The following MAGEA11 variants were observed in gnomAD, a reference collection of about 807,000 sequenced individuals.
MAGEA11 encodes the protein MAGE family member A11, also known as melanoma-associated antigen 11.
Under a neutral mutation model 8.4 loss-of-function variants are expected in MAGEA11, and 1 was observed. The observed-to-expected ratio is 0.12, with a 90% CI of 0.04 to 0.57. The LOEUF is 0.57. Ranked by LOEUF, MAGEA11 falls within the 20% of genes least tolerant of loss-of-function variation. The pLI, the probability that MAGEA11 is intolerant of heterozygous loss-of-function variation, is 0.91. For synonymous variants in MAGEA11, 127 were observed against 119.3 expected, an observed-to-expected ratio of 1.06 and a Z score of -0.42; for missense variants, 209 against 317.3, an observed-to-expected ratio of 0.66 and a Z score of 2.59.
In MAGEA11 at chrX:149,716,203, C is replaced by A. The variant is rs1190766775; in HGVS notation, c.717C>A (p.Val239=). 8.3e-7 allele frequency: 1 copy of A among 1,209,928 alleles called. No homozygotes were observed. The highest frequency in any genetic ancestry group is 1.7e-5 in the African/African-American group (1 of 57,266). Reference sequence around the variant, plus strand: ...ATTTATTGCTCCGCAAGTATCGAGTCAAGGGGCTGATCACAAAGGCAGAAA... The same window carrying A: ...ATTTATTGCTCCGCAAGTATCGAGTAAAGGGGCTGATCACAAAGGCAGAAA... The part of the protein sequence containing the change: ...LVHLLLRKYR[V]KGLITKAEML... The change falls in exon 5 of 5, where the codon GTC becomes GTA. Residue 239 remains valine (V), a synonymous_variant. Coordinates refer to ENST00000355220, the MANE Select transcript of MAGEA11 (RefSeq NM_005366.5).
chrX:149,710,907 G>T (rs1261702674), upstream of MAGEA11, among the ~76,000 whole-genome samples: 1 of 112,039 alleles, frequency 8.9e-6, no homozygotes, highest in African/African-American at 3.2e-5. Context: ...AGAGCCCTGA[G>T]AATTTCATTG....
intron 1 of MAGEA11, among the ~76,000 whole-genome samples, chrX:149,706,056 G>T (rs1419830075): frequency 6.2e-5 from 7 of 112,082 alleles, no homozygotes; most frequent in Non-Finnish European, 1.1e-4. Context: ...ATGACATCTT[G>T]CAGGGCTCCA....
intron 1 of MAGEA11, among the ~76,000 whole-genome samples, chrX:149,696,401 G>A (rs941078657): frequency 1.8e-5 from 2 of 110,326 alleles, no homozygotes; most frequent in Admixed American, 1.9e-4. Context: ...CTTAAGAGAT[G>A]GTGACAAGCA....
chrX:149,704,878 A>G (rs782708720), intron 1 of MAGEA11, among the ~76,000 whole-genome samples: 1 of 112,774 alleles, frequency 8.9e-6, no homozygotes, highest in Non-Finnish European at 1.9e-5. Context: ...TGGTGGGGCA[A>G]GTAGGACGGA....
intron 1 of MAGEA11, among the ~76,000 whole-genome samples, chrX:149,701,251 T>C (rs1236762267): frequency 8.6e-5 from 9 of 104,204 alleles, no homozygotes; most frequent in Admixed American, 2.1e-4. Context: ...TTTTAATGAT[T>C]GCCATTCTAA....
intron 2 of MAGEA11, 41 bp from the exon 3 acceptor site, chrX:149,714,440 G>A (rs782470974): frequency 8.4e-7 from 1 of 1,195,370 alleles, no homozygotes; most frequent in South Asian, 1.9e-5. Flanking sequence ...TGGGGTGATG[G>A]GACGTGGGGC....
At chrX:149,700,144 C>T (rs1368894893) in intron 1 of MAGEA11, among the ~76,000 whole-genome samples, 1 of 112,477 alleles carries the variant, frequency 8.9e-6, no homozygotes, top group Non-Finnish European at 1.9e-5. Flanking sequence ...CAGATCCAAA[C>T]CATATCAAGT....
intron 1 of MAGEA11, among the ~76,000 whole-genome samples, chrX:149,696,100 A>G (rs1557360518): frequency 9.0e-6 from 1 of 111,362 alleles, no homozygotes. Flanking sequence ...GCTGGTTCCT[A>G]ACTAGCCCCC....
rs980973466 is a variant in MAGEA11 at position 149,691,575 on chromosome X, A to G, written c.9+2591A>G. Among the ~76,000 whole-genome samples the G allele has an allele frequency of 8.9e-5, 10 of 111,865 alleles. No homozygotes were observed. In the Admixed American group the frequency reaches 9.5e-4, roughly 11 times the overall value. ...CAGAGCAGTTTTTAGTCTATAGCTT[A>G]TAATGCCTCATAACCTGGACAAAAC... On this transcript the variant is annotated intron_variant, in intron 1 of 3. Coordinates refer to the MAGEA11 transcript ENST00000333104.
At chrX:149,699,567 T>C (rs2090343286) in intron 1 of MAGEA11, among the ~76,000 whole-genome samples, 1 of 111,667 alleles carries the variant, frequency 9.0e-6, no homozygotes, top group African/African-American at 3.3e-5. Flanking sequence ...TATTTTATAG[T>C]CTCTGATTGG....
At chrX:149,700,049 C>T (rs782118927) in intron 1 of MAGEA11, among the ~76,000 whole-genome samples, 4 of 112,261 alleles carry the variant, frequency 3.6e-5, no homozygotes, top group African/African-American at 1.3e-4. Flanking sequence ...TGGGGGGACC[C>T]TCCCCCATGA....
chrX:149,691,601 G>A (rs1412614032), intron 1 of MAGEA11, among the ~76,000 whole-genome samples: 1 of 111,646 alleles, frequency 9.0e-6, no homozygotes, highest in South Asian at 3.8e-4. Flanking sequence ...TGGACAAAAC[G>A]CTCTTAAGGT....
intron 1 of MAGEA11, among the ~76,000 whole-genome samples, chrX:149,694,251 C>T (rs1335490306): frequency 1.8e-5 from 2 of 111,968 alleles, no homozygotes; most frequent in Non-Finnish European, 1.9e-5. Context: ...TTTATTTTTG[C>T]CATTCTAGTG....
chrX:149,690,729 C>G (rs1373645540), intron 1 of MAGEA11, among the ~76,000 whole-genome samples: 1 of 111,705 alleles, frequency 9.0e-6, no homozygotes, highest in Non-Finnish European at 1.9e-5. Flanking sequence ...GCAGTTGCAC[C>G]TTCTAGGGCT....
At chrX:149,714,302 C>G in intron 2 of MAGEA11, 179 bp from the exon 3 acceptor site, 2 of 642,621 alleles carry the variant, frequency 3.1e-6, no homozygotes, top group Non-Finnish European at 4.6e-6. Flanking sequence ...GTCTGCTCAT[C>G]TCAGGGGTTG....
Position 149,705,336 on chromosome X carries a change from C to A in MAGEA11, c.10-9145C>A, listed in dbSNP as rs1283313242. Among the ~76,000 whole-genome samples, 6 of 111,560 alleles carry A rather than the reference C, an allele frequency of 5.4e-5. No individual in the cohort carries two copies. The East Asian group carries it at 1.4e-3, about 26-fold the overall frequency. ...TGATAGTGAATGAGTCTCACGAGATCTCATGGTTTTTACAAAATGAGAGTT... is the reference window on the plus strand; with the variant it reads ...TGATAGTGAATGAGTCTCACGAGATATCATGGTTTTTACAAAATGAGAGTT... On this transcript the variant is annotated intron_variant, in intron 1 of 3. Coordinates refer to the MAGEA11 transcript ENST00000333104.
chrX:149,716,874 C>T lies in MAGEA11; in HGVS notation c.*98C>T. On this transcript the variant is annotated 3_prime_UTR_variant, in exon 5 of 5. Transcript: ENST00000355220. The stretch of plus-strand genomic sequence containing the variant: ...TCCCTGTCCTGTGTGAAATCAGGCC[C>T]ATTCTTCCCTCTGTGTTTGATGAGA... The T allele has an allele frequency of 1.2e-6, 1 of 832,425 alleles. No homozygotes were observed. Among genetic ancestry groups the T allele is most frequent in the Non-Finnish European group, 1.7e-6 (1 of 586,017 alleles). 68.6% of individuals were successfully genotyped at this position (832,425 alleles called of 1,213,427 possible).
At chrX:149,693,721 C>G (rs2090319544) in intron 1 of MAGEA11, among the ~76,000 whole-genome samples, 1 of 112,174 alleles carries the variant, frequency 8.9e-6, no homozygotes, top group Non-Finnish European at 1.9e-5. Context: ...CAATCACTTT[C>G]CGTTCCCTCT....
intron 1 of MAGEA11, among the ~76,000 whole-genome samples, chrX:149,693,347 G>A (rs924922221): frequency 1.4e-4 from 16 of 111,353 alleles, no homozygotes; most frequent in African/African-American, 2.9e-4. Context: ...TAGTTTAGCC[G>A]GGTTTAGGCT....
Sources: allele counts gnomAD v4.1 joint callset (sites outside exome capture counted in the v4.1 genomes callset), GRCh38; gene constraint gnomAD v4.1.1; transcripts MANE v1.5; gene names NCBI Gene and HGNC (gene_info 2026-07-23, HGNC 2026-07-21).